The following ARID3C variants were observed in gnomAD, a reference collection of about 807,000 sequenced individuals.
ARID3C encodes AT-rich interactive domain-containing protein 3C.
A neutral mutation model predicts 37.9 loss-of-function variants in ARID3C; 42 were observed. The ratio of observed to expected loss-of-function variants is 1.11; its 90% CI spans 0.87 to 1.43. ARID3C has a LOEUF of 1.43. Ranked by LOEUF, ARID3C falls within the 40% of genes most tolerant of loss-of-function variation. The pLI, the probability that ARID3C is intolerant of heterozygous loss-of-function variation, is 0.00. For synonymous variants in ARID3C, 213 were observed against 228.0 expected, an observed-to-expected ratio of 0.93 and a Z score of 0.59; for missense variants, 581 against 548.8, an observed-to-expected ratio of 1.06 and a Z score of -0.59.
At chr9:34,628,315 A>G (rs189551777), upstream of ARID3C, among the ~76,000 whole-genome samples, 442 of 152,294 alleles carry the variant, frequency 2.9e-3, 3 homozygotes, top group Non-Finnish European at 5.1e-3. The surrounding 1 kb of genome is among the most constrained non-coding windows in gnomAD (Gnocchi z 5.2). Context: ...ACCAAGAGAC[A>G]TCGGGAAATG....
chr9:34,628,836 G>A (rs930039284), upstream of ARID3C, among the ~76,000 whole-genome samples: 19 of 152,146 alleles, frequency 1.2e-4, no homozygotes, highest in African/African-American at 4.6e-4. The surrounding 1 kb of genome is among the most constrained non-coding windows in gnomAD (Gnocchi z 5.2). Context: ...GCCTGGGACG[G>A]GCACGGGACC....
intron 6 of ARID3C, among the ~76,000 whole-genome samples, chr9:34,621,771 G>C (rs1820566205): frequency 6.6e-6 from 1 of 152,104 alleles, no homozygotes; most frequent in Non-Finnish European, 1.5e-5. Flanking sequence ...GAATATTTAT[G>C]CTGATACATA....
intron 1 of ARID3C, among the ~76,000 whole-genome samples, chr9:34,626,253 C>T (rs1322747756): frequency 6.6e-6 from 1 of 152,158 alleles, no homozygotes; most frequent in South Asian, 2.1e-4. Flanking sequence ...GTTCACATCC[C>T]TGTATGCCAG....
intron 2 of ARID3C, 64 bp from the exon 4 acceptor site, chr9:34,624,111 G>A: frequency 6.7e-7 from 1 of 1,498,692 alleles, no homozygotes; most frequent in Non-Finnish European, 8.9e-7. Flanking sequence ...CATCCCCAGG[G>A]ACTGATACAG....
chr9:34,621,693 G>A (rs973229329), intron 6 of ARID3C, 135 bp from the exon 8 acceptor site: 9 of 690,782 alleles, frequency 1.3e-5, no homozygotes, highest in Non-Finnish European at 2.2e-5. Flanking sequence ...ACAAACCAAT[G>A]AGGACAAGCT....
intron 2 of ARID3C, 99 bp downstream of exon 3, chr9:34,625,643 C>T: frequency 1.5e-6 from 2 of 1,326,032 alleles, no homozygotes; most frequent in Non-Finnish European, 2.1e-6. Flanking sequence ...AGGACAGGTG[C>T]TGCCAAGCTC....
At chr9:34,625,891 T>G in intron 1 of ARID3C, 77 bp from the exon 3 acceptor site, 1 of 1,514,064 alleles carries the variant, frequency 6.6e-7, no homozygotes, top group South Asian at 1.2e-5. Context: ...GGTTGTACCC[T>G]GAACAAGGGT....
exon 4 of ARID3C, chr9:34,623,465 C>T: frequency 1.3e-6 from 2 of 1,536,490 alleles, no homozygotes; most frequent in African/African-American, 1.4e-5. Flanking sequence ...CGCATGCATG[C>T]GCTGGCAGGC....
At chr9:34,623,342 T>C in intron 4 of ARID3C, 83 bp downstream of exon 5, 1 of 1,417,796 alleles carries the variant, frequency 7.1e-7, no homozygotes, top group Non-Finnish European at 9.3e-7. Flanking sequence ...CAGACCTCAA[T>C]CCTCACATTT....
exon 1 of ARID3C, chr9:34,627,813 C>A: frequency 6.2e-7 from 1 of 1,613,596 alleles, no homozygotes; most frequent in Non-Finnish European, 8.5e-7. Flanking sequence ...TCCTCCTCTG[C>A]CCCGGCTTCC....
chr9:34,623,894 A>C (rs769569665), exon 3 of ARID3C: 22 of 1,598,680 alleles, frequency 1.4e-5, no homozygotes, highest in Non-Finnish European at 1.8e-5. Flanking sequence ...GGCCGAGGTG[A>C]TGGTGGTGGG....
At chr9:34,628,893 C>A (rs1820694894), upstream of ARID3C, among the ~76,000 whole-genome samples, 1 of 152,092 alleles carries the variant, frequency 6.6e-6, no homozygotes, top group Non-Finnish European at 1.5e-5. The surrounding 1 kb of genome is among the most constrained non-coding windows in gnomAD (Gnocchi z 5.2). Flanking sequence ...TCCCTCGCTC[C>A]GGGCGCCCCG....
At chr9:34,625,711 C>G in intron 2 of ARID3C, 31 bp downstream of exon 3, 3 of 1,613,164 alleles carry the variant, frequency 1.9e-6, no homozygotes, top group Non-Finnish European at 2.5e-6. Context: ...GGGGCAATTC[C>G]AGGGCCCTTC....
chr9:34,625,922 A>G, intron 1 of ARID3C, 108 bp from the exon 3 acceptor site: 1 of 1,274,954 alleles, frequency 7.8e-7, no homozygotes, highest in Non-Finnish European at 1.1e-6. Context: ...AGGAGTCAGT[A>G]GGATCTCAAT....
intron 2 of ARID3C, 59 bp from the exon 4 acceptor site, chr9:34,624,106 C>G: frequency 4.6e-6 from 7 of 1,506,446 alleles, no homozygotes; most frequent in Non-Finnish European, 6.2e-6. Flanking sequence ...TGCAGCATCC[C>G]CAGGGACTGA....
exon 1 of ARID3C, chr9:34,627,731 G>A (rs765215252): frequency 3.7e-6 from 6 of 1,613,476 alleles, no homozygotes; most frequent in Non-Finnish European, 5.1e-6. Context: ...CCACTCGTGG[G>A]GATGGAGTCC....
At chr9:34,622,303 C>G (rs755043846) in intron 5 of ARID3C, 44 bp downstream of exon 6, 10 of 1,576,298 alleles carry the variant, frequency 6.3e-6, no homozygotes, top group Middle Eastern at 4.2e-4. Context: ...AATCCTCCCT[C>G]AGTGTACAGT....
At chr9:34,625,792 G>A (rs1323583530) in exon 2 of ARID3C, 2 of 1,613,958 alleles carry the variant, frequency 1.2e-6, no homozygotes, top group Non-Finnish European at 1.7e-6. Context: ...CTTCCTCTTG[G>A]GGTCTGCATC....
intron 6 of ARID3C, 32 bp from the exon 8 acceptor site, chr9:34,621,590 A>G: frequency 2.0e-6 from 3 of 1,500,054 alleles, no homozygotes; most frequent in Non-Finnish European, 1.8e-6. Flanking sequence ...GGTAGAGGGC[A>G]AAAACAAGCA....
Sources: allele counts gnomAD v4.1 joint callset (sites outside exome capture counted in the v4.1 genomes callset), GRCh38; gene constraint gnomAD v4.1.1; non-coding constraint Gnocchi (gnomAD v3.1); transcripts MANE v1.5; gene names NCBI Gene and HGNC (gene_info 2026-07-23, HGNC 2026-07-21).